RALYL: variants seen among roughly 807,000 people sequenced by gnomAD.
The protein encoded by RALYL is RALY RNA binding protein like.
Under a neutral mutation model 35.1 loss-of-function variants are expected in RALYL, and 29 were observed. That is an observed-to-expected ratio of 0.83 (90% CI 0.61 to 1.13). RALYL has a LOEUF of 1.13. Among genes scored for constraint, RALYL ranks in the 50% most tolerant of loss-of-function variants. RALYL has a pLI of 0.00. For missense variants in RALYL, 359 were observed against 360.4 expected, an observed-to-expected ratio of 1.00 and a Z score of 0.03; for synonymous variants, 120 against 127.6, an observed-to-expected ratio of 0.94 and a Z score of 0.40.
intron 1 of RALYL, among the ~76,000 whole-genome samples, chr8:84,214,784 T>C (rs1003720557): frequency 6.6e-6 from 1 of 152,204 alleles, no homozygotes; most frequent in Non-Finnish European, 1.5e-5. Context: ...TTTAAGACCA[T>C]TTATGCCAAA....
At chr8:84,448,788 T>C (rs895998302) in intron 1 of RALYL, among the ~76,000 whole-genome samples, 2 of 152,056 alleles carry the variant, frequency 1.3e-5, no homozygotes, top group Non-Finnish European at 2.9e-5. Flanking sequence ...ATATGAGCTT[T>C]GAGTATGTCC....
At chr8:84,586,628 G>T (rs1471922636) in intron 2 of RALYL, among the ~76,000 whole-genome samples, 1 of 152,152 alleles carries the variant, frequency 6.6e-6, no homozygotes, top group Non-Finnish European at 1.5e-5. Context: ...CAAATGCTTA[G>T]TCTCACAGCT....
intron 2 of RALYL, among the ~76,000 whole-genome samples, chr8:84,741,846 A>T (rs899031210): frequency 6.6e-6 from 1 of 152,030 alleles, no homozygotes; most frequent in Non-Finnish European, 1.5e-5. Flanking sequence ...ACAATATTCC[A>T]TACTGCATAC....
At chr8:84,620,931 T>C (rs544672210) in intron 2 of RALYL, among the ~76,000 whole-genome samples, 1 of 152,136 alleles carries the variant, frequency 6.6e-6, no homozygotes, top group African/African-American at 2.4e-5. Flanking sequence ...GGGACCCACT[T>C]GAGGAGGCAG....
chr8:84,300,895 A>G (rs1056096688), intron 1 of RALYL, among the ~76,000 whole-genome samples: 1 of 152,020 alleles, frequency 6.6e-6, no homozygotes, highest in Non-Finnish European at 1.5e-5. Flanking sequence ...TTCAAGGTTA[A>G]TATTGATATA....
intron 2 of RALYL, among the ~76,000 whole-genome samples, chr8:84,574,674 T>C (rs1352835414): frequency 6.6e-6 from 1 of 152,134 alleles, no homozygotes; most frequent in Non-Finnish European, 1.5e-5. Flanking sequence ...TTGTGCTGCC[T>C]ACTTTTCAAT....
intron 1 of RALYL, among the ~76,000 whole-genome samples, chr8:84,232,346 G>A (rs533001464): frequency 2.6e-4 from 39 of 152,054 alleles, no homozygotes; most frequent in African/African-American, 8.7e-4. Flanking sequence ...GAGATGAAAG[G>A]TTACTATACA....
intron 6 of RALYL, among the ~76,000 whole-genome samples, chr8:84,868,655 T>A (rs890345444): frequency 2.0e-5 from 3 of 152,218 alleles, no homozygotes; most frequent in East Asian, 3.8e-4. Context: ...ATAGTAGGCA[T>A]TTAATGAATA....
intron 1 of RALYL, among the ~76,000 whole-genome samples, chr8:84,246,084 G>T (rs1468065641): frequency 2.6e-5 from 4 of 152,078 alleles, no homozygotes; most frequent in Non-Finnish European, 4.4e-5. Context: ...ATGTTCTTTG[G>T]ATAATTTCAT....
chr8:84,198,284 C>T (rs541677032), intron 1 of RALYL, among the ~76,000 whole-genome samples: 49 of 152,186 alleles, frequency 3.2e-4, no homozygotes, highest in Non-Finnish European at 6.3e-4. Flanking sequence ...AGGGCTTTAT[C>T]ATTCAAACAT....
chr8:84,308,025 G>GAA (rs754588401), intron 1 of RALYL, among the ~76,000 whole-genome samples: 3,498 of 135,766 alleles, frequency 0.026, 86 homozygotes, highest in Non-Finnish European at 0.033. Context: ...CCGTAGGTCA[G>GAA]AAAAAAAAAA....
chr8:84,722,170 A>T (rs1844044368), intron 2 of RALYL, among the ~76,000 whole-genome samples: 1 of 152,120 alleles, frequency 6.6e-6, no homozygotes, highest in South Asian at 2.1e-4. Flanking sequence ...AATAATACAG[A>T]TACTCTGAAA....
rs115311306 is a variant in RALYL at position 84,355,548 on chromosome 8, A to G, written c.-24+171124A>G. Among the ~76,000 whole-genome samples, 194 of 150,726 alleles carry G rather than the reference A, an allele frequency of 1.3e-3. 14 individuals are homozygous for G. Among genetic ancestry groups the G allele is most frequent in the African/African-American group, 4.7e-3 (192 of 40,698 alleles). ...AAAATTTTGTTTTTGAGCAAAAGGA[A>G]TTTATCTTTTTCTAAGAGGACCAAT... On this transcript the variant is annotated intron_variant, in intron 1 of 8. Coordinates refer to ENST00000521268, the MANE Select transcript of RALYL (RefSeq NM_173848.7).
intron 3 of RALYL, among the ~76,000 whole-genome samples, chr8:84,802,827 A>ACTT (rs1422008366): frequency 2.0e-5 from 3 of 152,276 alleles, no homozygotes; most frequent in Non-Finnish European, 4.4e-5. Flanking sequence ...AGTTGAAGTG[A>ACTT]CTTTGAACAA....
intron 1 of RALYL, among the ~76,000 whole-genome samples, chr8:84,342,277 A>AAT (rs57901276): frequency 0.026 from 1,688 of 66,054 alleles, 376 homozygotes; most frequent in Non-Finnish European, 0.035. Context: ...AGCATCGTTC[A>AAT]ATATATATAT....
intron 2 of RALYL, among the ~76,000 whole-genome samples, chr8:84,689,903 AG>A (rs1837667972): frequency 6.6e-6 from 1 of 152,170 alleles, no homozygotes; most frequent in East Asian, 1.9e-4. Flanking sequence ...AGTGTCATCA[AG>A]TGTGGAAAAA....
At chr8:84,400,055 G>A (rs1177786158) in intron 1 of RALYL, among the ~76,000 whole-genome samples, 1 of 152,174 alleles carries the variant, frequency 6.6e-6, no homozygotes, top group East Asian at 1.9e-4. Flanking sequence ...GGCAGAGGTT[G>A]CAGTGAGTCA....
intron 1 of RALYL, among the ~76,000 whole-genome samples, chr8:84,245,729 A>G (rs539082695): frequency 1.3e-5 from 2 of 152,206 alleles, no homozygotes; most frequent in Admixed American, 1.3e-4. Context: ...ACTCAGGGGT[A>G]TGCATGATAG....
intron 4 of RALYL, among the ~76,000 whole-genome samples, chr8:84,837,341 T>C (rs985980067): frequency 6.6e-6 from 1 of 152,224 alleles, no homozygotes; most frequent in African/African-American, 2.4e-5. Flanking sequence ...AAGCCAGTTA[T>C]CGCAATTGAG....
Sources: gnomAD v4.1 joint callset for allele counts (sites outside exome capture counted in the v4.1 genomes callset) on GRCh38, gnomAD v4.1.1 for gene constraint, MANE v1.5 for transcripts, NCBI Gene and HGNC (gene_info 2026-07-23, HGNC 2026-07-21) for gene names.